The following CEP72 variants were observed in gnomAD, a reference collection of about 807,000 sequenced individuals.
CEP72 encodes the protein centrosomal protein 72.
Under a neutral mutation model 65.7 loss-of-function variants are expected in CEP72, and 78 were observed. That is an observed-to-expected ratio of 1.19 (90% CI 0.99 to 1.43). The LOEUF is 1.43. Ranked by LOEUF, CEP72 falls within the 40% of genes most tolerant of loss-of-function variation. The pLI is 0.00. For missense variants in CEP72, 914 were observed against 832.9 expected, an observed-to-expected ratio of 1.10 and a Z score of -1.20; for synonymous variants, 358 against 351.7, an observed-to-expected ratio of 1.02 and a Z score of -0.20.
At chr5:640,956 A>G (rs1579994997) in intron 9 of CEP72, 6 of 985,208 alleles carry the variant, frequency 6.1e-6, no homozygotes, top group South Asian at 9.4e-5. Context: ...AACCGAGGCC[A>G]CTCTCCTTTT....
chr5:627,816 C>G (rs115222303), intron 4 of CEP72, among the ~76,000 whole-genome samples: 39 of 152,244 alleles, frequency 2.6e-4, no homozygotes, highest in African/African-American at 8.9e-4. Context: ...TTCACATTTA[C>G]TTATATTAAA....
At chr5:647,011 C>T (rs1273691492) in intron 10 of CEP72, among the ~76,000 whole-genome samples, 4 of 152,340 alleles carry the variant, frequency 2.6e-5, no homozygotes, top group South Asian at 2.1e-4. Flanking sequence ...GAAGCTGTGC[C>T]GCCCTGCGCT....
At chr5:670,865 G>A (rs1305915361), downstream of CEP72, among the ~76,000 whole-genome samples, 4 of 152,214 alleles carry the variant, frequency 2.6e-5, no homozygotes, top group African/African-American at 9.6e-5. Flanking sequence ...CAGCAGCTGA[G>A]CACCTGGGGG....
intron 4 of CEP72, among the ~76,000 whole-genome samples, chr5:666,331 C>A (rs550631190): frequency 3.3e-5 from 5 of 152,230 alleles, no homozygotes; most frequent in Non-Finnish European, 5.9e-5. Flanking sequence ...GATGCTCACA[C>A]GGCCCTGCAG....
intron 4 of CEP72, among the ~76,000 whole-genome samples, chr5:632,878 G>A (rs1737292469): frequency 1.0e-5 from 1 of 98,020 alleles, no homozygotes; most frequent in Non-Finnish European, 2.0e-5. Flanking sequence ...GTTCTGTCCA[G>A]TGCCGGGATT....
At chr5:629,443 G>T (rs544622905) in intron 4 of CEP72, among the ~76,000 whole-genome samples, 2 of 148,162 alleles carry the variant, frequency 1.3e-5, no homozygotes, top group African/African-American at 5.0e-5. Flanking sequence ...GTGGGATTCT[G>T]TCCAGTGCCG....
exon 4 of CEP72, chr5:666,026 C>T (rs749121992): frequency 5.2e-5 from 83 of 1,608,998 alleles, no homozygotes; most frequent in Non-Finnish European, 6.8e-5. Flanking sequence ...ACCTCGCGAA[C>T]GGCCTCCTCG....
At position 635,374 on chromosome 5, in the gene CEP72, T is replaced by C; in HGVS notation, c.694T>C (p.Ser232Pro). 1.3e-6 allele frequency: 2 copies of C among 1,596,480 alleles called. No individual in the cohort carries two copies. Among genetic ancestry groups the C allele is most frequent in the Non-Finnish European group, 1.7e-6 (2 of 1,166,016 alleles). The change falls in exon 6 of 12, where the codon TCC (serine) becomes CCC (proline). Residue 232 changes from serine to proline, a missense_variant and splice_region_variant. Transcript: ENST00000264935. The stretch of plus-strand genomic sequence containing the variant: ...TTTTATTTACAATATTTTAATAGAA[T>C]CCAGACATCTGTTGAGCCCGCAGTT... The part of the protein sequence containing the change: ...READSRGSQE[S>P]RHLLSPQLVQ...
Position 619,002 on chromosome 5 carries a change from CATTG to C in CEP72, c.96_99del (p.Ser34PhefsTer16). 1.9e-6 allele frequency: 3 copies of C among 1,608,704 alleles called. No homozygotes were observed. The highest frequency in any genetic ancestry group is 2.6e-6 in the Non-Finnish European group (3 of 1,175,226). ...TTTCTATTCTTAGCTGAGCTTCAGT[CATTG>C]TCTATTCCTGGAACTTACCAAGAGA... On this transcript the variant is annotated frameshift_variant, in exon 2 of 12. Transcript: ENST00000264935. LOFTEE classifies it high-confidence loss of function.
chr5:637,935 G>A, intron 7 of CEP72, 117 bp downstream of exon 7: 3 of 1,015,374 alleles, frequency 3.0e-6, no homozygotes, highest in Admixed American at 2.9e-5. Flanking sequence ...CCTCCCTGAT[G>A]CAGGGCTGTT....
At chr5:641,038 T>G (rs1737979411) in intron 9 of CEP72, 10 of 985,478 alleles carry the variant, frequency 1.0e-5, no homozygotes, top group Non-Finnish European at 1.2e-5. Flanking sequence ...AACCAGCAGC[T>G]GAAAACCTGC....
At chr5:648,616 G>A (rs1252472444) in intron 11 of CEP72, among the ~76,000 whole-genome samples, 31 of 129,602 alleles carry the variant, frequency 2.4e-4, no homozygotes, top group African/African-American at 7.8e-4. Flanking sequence ...ACTGTGAGGC[G>A]TGGACTGTGA....
intron 9 of CEP72, chr5:642,475 G>A: frequency 4.1e-6 from 4 of 985,494 alleles, no homozygotes; most frequent in Non-Finnish European, 4.8e-6. Flanking sequence ...TGTCTTTTCT[G>A]TGGGACACAG....
chr5:642,269 G>A (rs1274692310), intron 9 of CEP72: 5 of 984,580 alleles, frequency 5.1e-6, no homozygotes, highest in Non-Finnish European at 6.0e-6. Flanking sequence ...AACCAACGTG[G>A]CCCCTCCTCT....
chr5:665,234 G>A, exon 3 of CEP72: 1 of 1,613,864 alleles, frequency 6.2e-7, no homozygotes, highest in Non-Finnish European at 8.5e-7. Context: ...AGCGCTCCTT[G>A]TGGGAGCCCG....
intron 4 of CEP72, chr5:666,106 G>A (rs745621126): frequency 6.3e-7 from 1 of 1,585,280 alleles, no homozygotes; most frequent in Non-Finnish European, 8.6e-7. Flanking sequence ...AAAGGTGATG[G>A]TCCGGCAAGA....
chr5:669,726 C>T (rs382444), downstream of CEP72, among the ~76,000 whole-genome samples: 69,544 of 151,796 alleles, frequency 0.46, 16,093 homozygotes, highest in Middle Eastern at 0.53. Flanking sequence ...GCTCTGCGCG[C>T]TCCCCGAGTG....
At chr5:634,314 C>T (rs1737440252) in intron 5 of CEP72, among the ~76,000 whole-genome samples, 1 of 152,192 alleles carries the variant, frequency 6.6e-6, no homozygotes, top group Non-Finnish European at 1.5e-5. Context: ...ACCCTGAGCT[C>T]AGGCCGCCAC....
At chr5:666,184 G>A (rs1411259984) in intron 4 of CEP72, 18 of 1,577,138 alleles carry the variant, frequency 1.1e-5, no homozygotes, top group South Asian at 3.4e-5. Flanking sequence ...CCCTCCCCAC[G>A]CGTGGGTCTG....
Sources: allele counts gnomAD v4.1 joint callset (sites outside exome capture counted in the v4.1 genomes callset), GRCh38; gene constraint gnomAD v4.1.1; transcripts MANE v1.5; gene names NCBI Gene and HGNC (gene_info 2026-07-23, HGNC 2026-07-21).